SLC20A2: variants seen among roughly 807,000 people sequenced by gnomAD.
The protein encoded by SLC20A2 is sodium-dependent phosphate transporter 2.
In SLC20A2, 30 loss-of-function variants were observed where a neutral mutation model predicts 61.0. That is an observed-to-expected ratio of 0.49 (90% CI 0.37 to 0.67). SLC20A2 has a LOEUF of 0.67. SLC20A2 is among the 30% of genes least tolerant of loss of function. The probability of loss-of-function intolerance (pLI) is 0.00; values close to 1 mark genes in which losing one functional copy is unlikely to be tolerated. For synonymous variants in SLC20A2, 351 were observed against 353.3 expected (o/e 0.99, Z 0.07); for missense variants, 626 against 866.4 (o/e 0.72, Z 3.48).
Position 42,520,464 on chromosome 8 carries a change from C to T in SLC20A2, c.-265+21357G>A, listed in dbSNP as rs1409705594. Among the ~76,000 whole-genome samples, 8 of 60,264 alleles carry T rather than the reference C, an allele frequency of 1.3e-4. 2 individuals are homozygous for T. The highest frequency in any genetic ancestry group is 3.5e-4 in the Non-Finnish European group (6 of 17,388). The allele number at this position is 60,264 out of a possible 152,430, so 39.5% of individuals were successfully genotyped here. Reference sequence around the variant, plus strand: ...ACTTGAGGCTGGGGGCGGTGGCTTACGCCTGTAATCCCAGCACTTTGGGAG... The same window carrying T: ...ACTTGAGGCTGGGGGCGGTGGCTTATGCCTGTAATCCCAGCACTTTGGGAG... On this transcript the variant is annotated intron_variant, in intron 1 of 10. Coordinates refer to the SLC20A2 transcript ENST00000342228.
At chr8:42,490,180 C>T (rs1396166934) in intron 1 of SLC20A2, among the ~76,000 whole-genome samples, 1 of 152,010 alleles carries the variant, frequency 6.6e-6, no homozygotes, top group Non-Finnish European at 1.5e-5. Context: ...TCTCAGAATA[C>T]AATAAAAATA....
chr8:42,440,886 C>T (rs535935092), intron 6 of SLC20A2, among the ~76,000 whole-genome samples: 8 of 152,286 alleles, frequency 5.3e-5, no homozygotes, highest in South Asian at 4.1e-4. Context: ...CTGTAACCTC[C>T]GCCTCACGCG....
chr8:42,507,343 A>C (rs1194987231), intron 1 of SLC20A2, among the ~76,000 whole-genome samples: 1 of 152,012 alleles, frequency 6.6e-6, no homozygotes, highest in Non-Finnish European at 1.5e-5. Flanking sequence ...AGAGAGCTCT[A>C]ACTCTACACA....
At chr8:42,532,380 G>A (rs555560902) in intron 1 of SLC20A2, among the ~76,000 whole-genome samples, 1 of 152,024 alleles carries the variant, frequency 6.6e-6, no homozygotes, top group Non-Finnish European at 1.5e-5. Flanking sequence ...AACTTGCTTT[G>A]GGTGTTCTTT....
chr8:42,437,610 GT>G lies in SLC20A2; in HGVS notation c.935-34del. 2 of 1,384,940 alleles carry G rather than the reference GT, an allele frequency of 1.4e-6. No homozygotes were observed. The highest frequency in any genetic ancestry group is 2.4e-5 in the Admixed American group (1 of 42,094). 85.8% of individuals were successfully genotyped at this position (1,384,940 alleles called of 1,614,324 possible). A position where few individuals can be genotyped will look rare whatever the true frequency, so the allele number is the denominator to read the frequency against. On this transcript the variant is annotated intron_variant, in intron 7 of 10. Coordinates refer to ENST00000520262, the MANE Select transcript of SLC20A2 (RefSeq NM_001257180.2). This position sits in a 1 kb window ranked among gnomAD's most constrained non-coding sequence, Gnocchi z 6.4. ...GGGTTAGAGAAGGTCTCATTTTCCAGTCTTTTTTTTTTTTTTCTTTTCTTTT... is the reference window on the plus strand; with the variant it reads ...GGGTTAGAGAAGGTCTCATTTTCCAGCTTTTTTTTTTTTTTCTTTTCTTTT...
At chr8:42,499,444 A>G (rs1277802097) in intron 1 of SLC20A2, among the ~76,000 whole-genome samples, 1 of 152,170 alleles carries the variant, frequency 6.6e-6, no homozygotes, top group Non-Finnish European at 1.5e-5. Context: ...AATCATTAAA[A>G]CGAACACTCC....
At chr8:42,447,045 G>T (rs938483535) in intron 5 of SLC20A2, among the ~76,000 whole-genome samples, 71 of 152,170 alleles carry the variant, frequency 4.7e-4, no homozygotes, top group African/African-American at 1.7e-3. Flanking sequence ...AAGTTACTCA[G>T]CTGAGGTACT....
At chr8:42,488,941 T>TG (rs1240881495) in intron 1 of SLC20A2, among the ~76,000 whole-genome samples, 1 of 142,962 alleles carries the variant, frequency 7.0e-6, no homozygotes, top group Non-Finnish European at 1.5e-5. Context: ...TTTTGTTTTT[T>TG]TTTTTTTTTT....
At chr8:42,500,487 A>G (rs894446187) in intron 1 of SLC20A2, among the ~76,000 whole-genome samples, 1 of 152,298 alleles carries the variant, frequency 6.6e-6, no homozygotes, top group African/African-American at 2.4e-5. Flanking sequence ...TTCCTAAATT[A>G]ATTTTTTAAA....
intron 1 of SLC20A2, among the ~76,000 whole-genome samples, chr8:42,525,144 G>T (rs1231864383): frequency 6.6e-6 from 1 of 152,134 alleles, no homozygotes; most frequent in Non-Finnish European, 1.5e-5. Context: ...GACTGCTGGT[G>T]CCACACCCAC....
intron 5 of SLC20A2, among the ~76,000 whole-genome samples, chr8:42,449,764 A>T (rs530204214): frequency 6.6e-6 from 1 of 152,320 alleles, no homozygotes; most frequent in South Asian, 2.1e-4. Context: ...CCCCTCTTCA[A>T]CTTACTTCCC....
intron 5 of SLC20A2, among the ~76,000 whole-genome samples, chr8:42,457,036 GC>G (rs1203998401): frequency 2.0e-5 from 3 of 151,842 alleles, no homozygotes; most frequent in African/African-American, 7.3e-5. Context: ...TGATTCTCCT[GC>G]CTCAGCCTCC....
chr8:42,475,783 C>A (rs1808036638), intron 1 of SLC20A2, among the ~76,000 whole-genome samples: 1 of 151,516 alleles, frequency 6.6e-6, no homozygotes, highest in African/African-American at 2.4e-5. Context: ...GAGGATGAGT[C>A]AGGAGCCCGC....
intron 5 of SLC20A2, among the ~76,000 whole-genome samples, chr8:42,450,657 G>T (rs1379893300): frequency 6.6e-6 from 1 of 152,040 alleles, no homozygotes; most frequent in East Asian, 1.9e-4. Context: ...CTAAGTAGCT[G>T]GGATTACAGG....
rs568501264 is a variant in SLC20A2 at position 42,451,653 on chromosome 8, G to A, written c.614-6891C>T. 3.4e-3 allele frequency among the ~76,000 whole-genome samples: 449 copies of A among 131,934 alleles called. 1 individual carries two copies. The highest frequency in any genetic ancestry group is 4.6e-3 in the Non-Finnish European group (290 of 62,416). The allele number at this position is 131,934 out of a possible 152,430, so 86.6% of individuals were successfully genotyped here. The stretch of plus-strand genomic sequence containing the variant: ...AGGAAGAGATGAAGAGGAAGAGGAG[G>A]AAGAGATAGAGGGGGAGGAAGAGAT... On this transcript the variant is annotated intron_variant, in intron 5 of 10. Transcript: ENST00000520262.
chr8:42,465,639 C>T (rs1162822416), intron 3 of SLC20A2, 138 bp downstream of exon 3: 10 of 753,092 alleles, frequency 1.3e-5, no homozygotes, highest in Middle Eastern at 6.9e-4. Context: ...TGCAGTGAGC[C>T]GAGATTGCAC....
chr8:42,467,481 C>T (rs548948822), intron 2 of SLC20A2, among the ~76,000 whole-genome samples: 12 of 152,248 alleles, frequency 7.9e-5, no homozygotes, highest in South Asian at 4.2e-4. Flanking sequence ...AAGCTGGGCA[C>T]GTTATTAATC....
chr8:42,466,632 A>C (rs776638305), intron 2 of SLC20A2, among the ~76,000 whole-genome samples: 1 of 152,150 alleles, frequency 6.6e-6, no homozygotes. Context: ...TATTATCTAT[A>C]TAAGAGAGTA....
chr8:42,504,852 CAAAAAAAAAAAAAAAAA>C (rs771127709), upstream of SLC20A2, among the ~76,000 whole-genome samples: 31 of 16,500 alleles, frequency 1.9e-3, no homozygotes, highest in African/African-American at 4.3e-3. Flanking sequence ...GACTCCGTCT[CAAAAAAAAAAAAAAAAA>C]AAAAAAAAAA....
Sources: gnomAD v4.1 joint callset for allele counts (sites outside exome capture counted in the v4.1 genomes callset) on GRCh38, gnomAD v4.1.1 for gene constraint, Gnocchi (gnomAD v3.1) non-coding constraint, MANE v1.5 for transcripts, NCBI Gene and HGNC (gene_info 2026-07-23, HGNC 2026-07-21) for gene names.